Variants in ADAMTS19 observed in about 807,000 individuals in gnomAD.
ADAMTS19 encodes A disintegrin and metalloproteinase with thrombospondin motifs 19.
In ADAMTS19, 93 loss-of-function variants were observed where a neutral mutation model predicts 153.3. The observed-to-expected ratio is 0.61, with a 90% CI of 0.51 to 0.72. The LOEUF (loss-of-function observed/expected upper bound fraction) is 0.72. Ranked by LOEUF, ADAMTS19 falls within the 30% of genes least tolerant of loss-of-function variation. ADAMTS19 has a pLI of 0.00. For missense variants in ADAMTS19, 1,482 were observed against 1,552.1 expected, an observed-to-expected ratio of 0.95 and a Z score of 0.76; for synonymous variants, 600 against 556.6, an observed-to-expected ratio of 1.08 and a Z score of -1.10.
intron 22 of ADAMTS19, among the ~76,000 whole-genome samples, chr5:129,736,361 G>A (rs1024555383): frequency 2.6e-5 from 4 of 152,004 alleles, no homozygotes; most frequent in African/African-American, 9.7e-5. Context: ...AATTATATTA[G>A]AATACGATTC....
Position 129,683,840 on chromosome 5 carries a change from A to G in ADAMTS19, c.2665-280A>G, listed in dbSNP as rs151111027. On this transcript the variant is annotated intron_variant, in intron 17 of 22. Transcript: ENST00000274487. Reference sequence around the variant, plus strand: ...TCAAATTGAAAGAAAATGATCTAGTATGTCTGACCTCACTCAAATGAGCTT... The same window carrying G: ...TCAAATTGAAAGAAAATGATCTAGTGTGTCTGACCTCACTCAAATGAGCTT... Among the ~76,000 whole-genome samples, 364 of 149,694 alleles carry G rather than the reference A, an allele frequency of 2.4e-3. 1 individual carries two copies. The highest frequency in any genetic ancestry group is 8.7e-3 in the African/African-American group (351 of 40,524).
At chr5:129,616,664 A>G (rs1751545278) in intron 8 of ADAMTS19, among the ~76,000 whole-genome samples, 1 of 152,046 alleles carries the variant, frequency 6.6e-6, no homozygotes. Flanking sequence ...ATGTTAGTGA[A>G]GAGTTTATTT....
Position 129,704,365 on chromosome 5 carries a change from G to C in ADAMTS19, c.3286G>C (p.Val1096Leu), listed in dbSNP as rs140571078. 7 of 1,614,006 alleles carry C rather than the reference G, an allele frequency of 4.3e-6. No homozygotes were observed. In the East Asian group the frequency reaches 1.6e-4, roughly 36 times the overall value. Reference protein sequence around the residue: ...EDCEDYSKCYVWRMGDWSKCS... With the variant: ...EDCEDYSKCYLWRMGDWSKCS... ...CTGTGAGGATTATTCAAAATGCTAT[G>C]TGTGGCGAATGGGTGACTGGTCTAA... Residue 1096 changes from valine to leucine, a missense_variant, in exon 21 of 23, where the codon GTG (valine) becomes CTG (leucine). Around this residue, in one of 2 missense-constraint regions of ADAMTS19, gnomAD observed 616 missense variants for 724.4 expected, o/e 0.85. Coordinates refer to ENST00000274487, the MANE Select transcript of ADAMTS19 (RefSeq NM_133638.6).
chr5:129,649,867 G>A (rs945920524), intron 13 of ADAMTS19, among the ~76,000 whole-genome samples: 3 of 152,130 alleles, frequency 2.0e-5, no homozygotes, highest in African/African-American at 7.2e-5. Flanking sequence ...TAAGAAAATT[G>A]TATGCTGCCT....
intron 3 of ADAMTS19, among the ~76,000 whole-genome samples, chr5:129,514,620 A>G (rs907863641): frequency 6.6e-6 from 1 of 150,572 alleles, no homozygotes; most frequent in African/African-American, 2.4e-5. Flanking sequence ...TATTTTGCCT[A>G]TTTTTTGATT....
Position 129,704,237 on chromosome 5 carries a change from A to G in ADAMTS19, c.3160-2A>G. ...TCTAAAACCTCTGATGTTATCTTCC[A>G]GTGTTCAGTCAAGTGTGGCAAAGGC... On this transcript the variant is annotated splice_acceptor_variant, in intron 20 of 22. Transcript: ENST00000274487. LOFTEE classifies it high-confidence loss of function. 1 of 1,610,990 alleles carries G rather than the reference A, an allele frequency of 6.2e-7. No homozygotes were observed. The highest frequency in any genetic ancestry group is 8.5e-7 in the Non-Finnish European group (1 of 1,178,752).
intron 20 of ADAMTS19, 34 bp downstream of exon 20, chr5:129,701,626 ACT>A (rs776632774): frequency 5.9e-5 from 94 of 1,606,324 alleles, no homozygotes; most frequent in Non-Finnish European, 7.7e-5. Context: ...CCCCATTCCT[ACT>A]CTGACTCCTA....
chr5:129,730,221 G>T (rs911876580), intron 21 of ADAMTS19, among the ~76,000 whole-genome samples: 1 of 152,036 alleles, frequency 6.6e-6, no homozygotes, highest in Admixed American at 6.6e-5. Flanking sequence ...ATAATAGCTG[G>T]AAATTATAAT....
At chr5:129,642,016 C>G (rs1382074223) in intron 11 of ADAMTS19, 56 bp downstream of exon 11, 5 of 1,083,660 alleles carry the variant, frequency 4.6e-6, no homozygotes, top group Admixed American at 2.1e-5. Context: ...ACTTGAGAAT[C>G]TTGCATTTTC....
rs144891589 is a variant in ADAMTS19 at position 129,533,455 on chromosome 5, T to C, written c.1328+4778T>C. On this transcript the variant is annotated intron_variant, in intron 6 of 22. Transcript: ENST00000274487. ...GGTGGTGATATCCCCTTTGTCATCTTTTATTGCGTCTATTTGATTCTTCTC... is the reference window on the plus strand; with the variant it reads ...GGTGGTGATATCCCCTTTGTCATCTCTTATTGCGTCTATTTGATTCTTCTC... Among the ~76,000 whole-genome samples, 1,327 of 152,284 alleles carry C rather than the reference T, an allele frequency of 8.7e-3. 15 individuals are homozygous for C. Among genetic ancestry groups the C allele is most frequent in the East Asian group, 0.037 (193 of 5,178 alleles).
intron 21 of ADAMTS19, among the ~76,000 whole-genome samples, chr5:129,720,068 C>CT (rs1398708528): frequency 6.6e-6 from 1 of 150,574 alleles, no homozygotes; most frequent in East Asian, 1.9e-4. Context: ...AAATATTTAT[C>CT]TTTTTTTCTT....
intron 8 of ADAMTS19, among the ~76,000 whole-genome samples, chr5:129,601,726 G>A (rs571152727): frequency 2.0e-5 from 3 of 152,112 alleles, no homozygotes; most frequent in African/African-American, 4.8e-5. Context: ...CAACAACAAT[G>A]TGTGAAATCA....
At chr5:129,488,712 G>A (rs941481230) in intron 2 of ADAMTS19, among the ~76,000 whole-genome samples, 3 of 151,982 alleles carry the variant, frequency 2.0e-5, no homozygotes, top group African/African-American at 7.2e-5. Flanking sequence ...AACAATTTGT[G>A]GCACTTTTTA....
chr5:129,597,412 T>C (rs1750431725), intron 8 of ADAMTS19, among the ~76,000 whole-genome samples: 2 of 152,304 alleles, frequency 1.3e-5, no homozygotes, highest in East Asian at 1.9e-4. Context: ...TTTACCCTCC[T>C]GAAATTATTA....
intron 10 of ADAMTS19, among the ~76,000 whole-genome samples, chr5:129,629,508 T>C (rs1581164491): frequency 6.6e-6 from 1 of 152,094 alleles, no homozygotes; most frequent in East Asian, 1.9e-4. Flanking sequence ...GATGTATCAC[T>C]TCCATACTTA....
At chr5:129,734,669 G>A (rs1407246268) in intron 21 of ADAMTS19, among the ~76,000 whole-genome samples, 1 of 151,930 alleles carries the variant, frequency 6.6e-6, no homozygotes, top group Non-Finnish European at 1.5e-5. Context: ...AAGTCATACT[G>A]TACCTTTTTC....
At chr5:129,711,857 A>G (rs1756494405) in intron 21 of ADAMTS19, among the ~76,000 whole-genome samples, 3 of 152,126 alleles carry the variant, frequency 2.0e-5, no homozygotes, top group South Asian at 4.1e-4. Flanking sequence ...GTAAATCGCA[A>G]AGAGGAAACT....
intron 10 of ADAMTS19, among the ~76,000 whole-genome samples, chr5:129,625,179 T>C (rs1751971591): frequency 6.6e-6 from 1 of 152,246 alleles, no homozygotes; most frequent in Non-Finnish European, 1.5e-5. Context: ...ATCCTTTTTA[T>C]GACTGCATAG....
chr5:129,549,777 AACAC>A (rs138223574), intron 6 of ADAMTS19, among the ~76,000 whole-genome samples: 4 of 149,564 alleles, frequency 2.7e-5, no homozygotes, highest in African/African-American at 9.8e-5. Flanking sequence ...AACATTTACC[AACAC>A]ACACACACAT....
Sources: allele counts gnomAD v4.1 joint callset (sites outside exome capture counted in the v4.1 genomes callset), GRCh38; gene constraint gnomAD v4.1.1; regional missense constraint gnomAD v4.1.1; transcripts MANE v1.5; gene names NCBI Gene and HGNC (gene_info 2026-07-23, HGNC 2026-07-21).